The following PTAR1 variants were observed in gnomAD, a reference collection of about 807,000 sequenced individuals.
PTAR1 encodes the protein protein prenyltransferase alpha subunit repeat containing 1, also known as protein prenyltransferase alpha subunit repeat-containing protein 1.
Under a neutral mutation model 45.5 loss-of-function variants are expected in PTAR1, and 17 were observed. That is an observed-to-expected ratio of 0.37 (90% confidence interval 0.26 to 0.56). PTAR1 has a LOEUF of 0.56. PTAR1 is among the 20% of genes least tolerant of loss of function. PTAR1 has a pLI of 0.77. For missense variants in PTAR1, 391 were observed against 476.3 expected (o/e 0.82, Z 1.67); for synonymous variants, 169 against 171.3 (o/e 0.99, Z 0.11).
chr9:69,735,333 C>G (rs529858755), intron 3 of PTAR1, among the ~76,000 whole-genome samples: 1 of 152,152 alleles, frequency 6.6e-6, no homozygotes, highest in Non-Finnish European at 1.5e-5. Flanking sequence ...CTACACACAT[C>G]CTCCCATATA....
intron 2 of PTAR1, among the ~76,000 whole-genome samples, chr9:69,742,662 AAAATAG>A (rs1386589833): frequency 6.6e-6 from 1 of 152,142 alleles, no homozygotes. Context: ...GATTGTCTTT[AAAATAG>A]ACTGTATCTA....
rs2134063937 is a variant in PTAR1 at position 69,715,350 on chromosome 9, T to C, written c.*2992A>G. The stretch of plus-strand genomic sequence containing the variant: ...TCATTCTTAACACTCACAAACAATC[T>C]TTCTCTTCCTGTTAGTCATTCATTA... On this transcript the variant is annotated 3_prime_UTR_variant, in exon 8 of 8. Transcript: ENST00000340434. The C allele has an allele frequency of 6.6e-6, 1 of 152,226 alleles. No individual in the cohort carries two copies. The highest frequency in any genetic ancestry group is 1.9e-4 in the East Asian group (1 of 5,186). The allele number at this position is 152,226 out of a possible 1,614,324, so 9.4% of individuals were successfully genotyped here.
chr9:69,732,924 CTT>C (rs1825606607), intron 4 of PTAR1, among the ~76,000 whole-genome samples: 1 of 152,092 alleles, frequency 6.6e-6, no homozygotes, highest in African/African-American at 2.4e-5. Context: ...CAAATTCTCC[CTT>C]TGTCTGTTTA....
intron 1 of PTAR1, among the ~76,000 whole-genome samples, chr9:69,754,532 CTTTTTTTTTTTTTT>C (rs60025062): frequency 7.9e-5 from 6 of 76,260 alleles, no homozygotes; most frequent in Non-Finnish European, 1.4e-4. Context: ...GGGTATATAT[CTTTTTTTTTTTTTT>C]TTTTTTTTTC....
At chr9:69,742,594 C>A (rs1826089675) in intron 2 of PTAR1, among the ~76,000 whole-genome samples, 1 of 151,996 alleles carries the variant, frequency 6.6e-6, no homozygotes, top group East Asian at 1.9e-4. Context: ...TTTCCTGAAG[C>A]AGAACTACTA....
chr9:69,734,470 T>C (rs1236493914), intron 3 of PTAR1, among the ~76,000 whole-genome samples: 6 of 152,022 alleles, frequency 3.9e-5, no homozygotes, highest in Admixed American at 6.6e-5. Flanking sequence ...ATAATCCCAA[T>C]ATAACAAACT....
At chr9:69,738,964 C>T (rs565215894) in intron 3 of PTAR1, among the ~76,000 whole-genome samples, 101 of 152,116 alleles carry the variant, frequency 6.6e-4, no homozygotes, top group Non-Finnish European at 6.2e-4. Context: ...TGCACTGACA[C>T]GCACGGCTAA....
chr9:69,750,996 C>G lies in PTAR1; in HGVS notation c.87-46G>C. The G allele has an allele frequency of 4.7e-6, 6 of 1,289,478 alleles. 1 individual carries two copies. The South Asian group carries it at 9.0e-5, about 19-fold the overall frequency. The allele number at this position is 1,289,478 out of a possible 1,614,324, so 79.9% of individuals were successfully genotyped here. ...AAAGAATTAAAAATAAGGATACTAA[C>G]CTTTTCAACATTTTTCTAATTTCAG... On this transcript the variant is annotated intron_variant, in intron 1 of 7. Transcript: ENST00000340434.
chr9:69,756,733 T>C (rs1467928420), intron 1 of PTAR1, among the ~76,000 whole-genome samples: 1 of 152,092 alleles, frequency 6.6e-6, no homozygotes, highest in Non-Finnish European at 1.5e-5. Flanking sequence ...ACCAGCCTCC[T>C]CTCCACTTCT....
rs1181796424 is a variant in PTAR1, at chr9:69,715,254, G to A, written c.*3088C>T. The stretch of plus-strand genomic sequence containing the variant: ...CTCTATATGCAATAGCTCTTCCCAA[G>A]TATTACGAAACTAGAAAGCATCATT... On this transcript the variant is annotated 3_prime_UTR_variant, in exon 8 of 8. Coordinates refer to ENST00000340434, the MANE Select transcript of PTAR1 (RefSeq NM_001099666.2). 1 of 152,062 alleles carries A rather than the reference G, an allele frequency of 6.6e-6. No individual in the cohort carries two copies. The highest frequency in any genetic ancestry group is 2.4e-5 in the African/African-American group (1 of 41,420). 9.4% of individuals were successfully genotyped at this position (152,062 alleles called of 1,614,324 possible).
Position 69,718,278 on chromosome 9 carries a change from G to T in PTAR1, c.*64C>A. ...AATAGTAAACAGTTCATGCAACTATGTAAATAATAAAAGAAAGCAATATTG... is the reference window on the plus strand; with the variant it reads ...AATAGTAAACAGTTCATGCAACTATTTAAATAATAAAAGAAAGCAATATTG... On this transcript the variant is annotated 3_prime_UTR_variant, in exon 8 of 8. Coordinates refer to ENST00000340434, the MANE Select transcript of PTAR1 (RefSeq NM_001099666.2). 8.6e-7 allele frequency: 1 copy of T among 1,156,094 alleles called. No individual in the cohort carries two copies. The highest frequency in any genetic ancestry group is 1.2e-6 in the Non-Finnish European group (1 of 819,276). 71.6% of individuals were successfully genotyped at this position (1,156,094 alleles called of 1,614,324 possible). A position where few individuals can be genotyped will look rare whatever the true frequency, so the allele number is the denominator to read the frequency against.
intron 4 of PTAR1, 82 bp from the exon 5 acceptor site, chr9:69,732,434 T>C: frequency 1.0e-6 from 1 of 1,002,626 alleles, no homozygotes; most frequent in Non-Finnish European, 1.5e-6. Context: ...TTGTTCCTAA[T>C]TTAATTTCCA....
At chr9:69,732,470 T>C in intron 4 of PTAR1, 118 bp from the exon 5 acceptor site, 2 of 702,734 alleles carry the variant, frequency 2.8e-6, no homozygotes, top group Admixed American at 2.7e-5. Context: ...AAATAATACC[T>C]GTTTATAAGT....
At position 69,734,258 on chromosome 9, in the gene PTAR1, TAAAAAAAAAAAAA is replaced by T. The variant is rs398010830; in HGVS notation, c.324-17_324-5del. ...GCCAGAGAGGATCAGCTCTTTCCTG[TAAAAAAAAAAAAA>T]AAAAAAAAAAAAAATTAAACATTAC... is the stretch of plus-strand genomic sequence containing the variant. On this transcript the variant is annotated splice_polypyrimidine_tract_variant and splice_region_variant and intron_variant, in intron 3 of 7. Transcript: ENST00000340434. 52 of 207,700 alleles carry T rather than the reference TAAAAAAAAAAAAA, an allele frequency of 2.5e-4. 1 individual carries two copies. Among genetic ancestry groups the T allele is most frequent in the African/African-American group, 2.7e-4 (6 of 22,030 alleles). 12.9% of individuals were successfully genotyped at this position (207,700 alleles called of 1,614,324 possible). A position where few individuals can be genotyped will look rare whatever the true frequency, so the allele number is the denominator to read the frequency against.
Position 69,732,120 on chromosome 9 carries a change from G to GA in PTAR1, c.642+18dup. On this transcript the variant is annotated intron_variant, in intron 5 of 7. Transcript: ENST00000340434. ...AAGGGCAGACAGGCAGTCTGCCCAGGAGACAGTAATATTCCTACCTTGACA... is the reference window on the plus strand; with the variant it reads ...AAGGGCAGACAGGCAGTCTGCCCAGGAAGACAGTAATATTCCTACCTTGACA... 1 of 1,577,490 alleles carries GA rather than the reference G, an allele frequency of 6.3e-7. No homozygotes were observed. The highest frequency in any genetic ancestry group is 8.7e-7 in the Non-Finnish European group (1 of 1,148,900).
At position 69,732,218 on chromosome 9, in the gene PTAR1, G is replaced by A. The variant is rs1825572149; in HGVS notation, c.563C>T (p.Ala188Val). The part of the protein sequence containing the change: ...QEEMEVCGEA[A>V]GRYPSNYNAW... The stretch of plus-strand genomic sequence containing the variant: ...ATTATAGTTGCTTGGGTATCTCCCT[G>A]CTGCTTCACCACAGACCTCCATCTC... Residue 188 changes from alanine to valine, a missense_variant, in exon 5 of 8, where the codon GCA becomes GTA. Ala to Val is a moderately conservative substitution (Grantham distance 64). Around this residue, in one of 5 missense-constraint regions of PTAR1, gnomAD observed 46 missense variants for 39.6 expected, o/e 1.16. Transcript: ENST00000340434. 2 of 1,613,716 alleles carry A rather than the reference G, an allele frequency of 1.2e-6. No individual in the cohort carries two copies. The highest frequency in any genetic ancestry group is 2.7e-5 in the African/African-American group (2 of 74,912).
intron 5 of PTAR1, among the ~76,000 whole-genome samples, chr9:69,726,923 C>CTTT (rs376872614): frequency 7.8e-6 from 1 of 127,440 alleles, no homozygotes; most frequent in Admixed American, 7.8e-5. Flanking sequence ...TTTTTAAATT[C>CTTT]TTTTTTTTTT....
At chr9:69,749,852 C>T (rs1360524040) in intron 2 of PTAR1, among the ~76,000 whole-genome samples, 1 of 152,064 alleles carries the variant, frequency 6.6e-6, no homozygotes, top group Non-Finnish European at 1.5e-5. Context: ...TTTTTATCCC[C>T]CACAGTACTC....
chr9:69,735,282 G>A (rs572315998), intron 3 of PTAR1, among the ~76,000 whole-genome samples: 31 of 152,216 alleles, frequency 2.0e-4, no homozygotes, highest in African/African-American at 6.7e-4. Context: ...CAAAATCTGC[G>A]AATGCTCAAG....
Sources: gnomAD v4.1 joint callset for allele counts (sites outside exome capture counted in the v4.1 genomes callset) on GRCh38, gnomAD v4.1.1 for gene constraint, gnomAD v4.1.1 regional missense constraint, MANE v1.5 for transcripts, NCBI Gene and HGNC (gene_info 2026-07-23, HGNC 2026-07-21) for gene names.